TBCK: variants seen among roughly 807,000 people sequenced by gnomAD.
TBCK encodes TBC domain-containing protein kinase-like protein.
Under a neutral mutation model 113.4 loss-of-function variants are expected in TBCK, and 99 were observed. The ratio of observed to expected loss-of-function variants is 0.87; its 90% CI spans 0.74 to 1.03. The LOEUF (loss-of-function observed/expected upper bound fraction) is 1.03. Ranked by LOEUF, TBCK falls within the 50% of genes least tolerant of loss-of-function variation. The probability of loss-of-function intolerance (pLI) is 0.00; values close to 1 mark genes in which losing one functional copy is unlikely to be tolerated. For missense variants in TBCK, 1,045 were observed against 1,061.3 expected (o/e 0.98, Z 0.21); for synonymous variants, 369 against 370.8 (o/e 1.00, Z 0.05).
intron 3 of TBCK, among the ~76,000 whole-genome samples, chr4:106,287,479 G>A (rs1223249606): frequency 1.3e-5 from 2 of 152,150 alleles, no homozygotes; most frequent in Non-Finnish European, 2.9e-5. Flanking sequence ...ATTCACATGT[G>A]CATTCTTGAG....
chr4:106,228,212 G>A (rs1338134171), intron 19 of TBCK, among the ~76,000 whole-genome samples: 1 of 151,908 alleles, frequency 6.6e-6, no homozygotes, highest in Non-Finnish European at 1.5e-5. Flanking sequence ...ATCACCTCAA[G>A]TATTTTTCTT....
intron 5 of TBCK, among the ~76,000 whole-genome samples, chr4:106,258,463 T>A (rs1461346113): frequency 6.6e-6 from 1 of 152,058 alleles, no homozygotes; most frequent in East Asian, 1.9e-4. Context: ...TGGCTAATGT[T>A]TCACATTTTG....
chr4:106,114,183 G>A, intron 24 of TBCK, among the ~76,000 whole-genome samples: 1 of 152,180 alleles, frequency 6.6e-6, no homozygotes, highest in South Asian at 2.1e-4. Flanking sequence ...ACAGAAAAGG[G>A]GGAGATGTAG....
intron 3 of TBCK, among the ~76,000 whole-genome samples, chr4:106,288,049 G>A (rs1219560686): frequency 6.7e-6 from 1 of 148,398 alleles, no homozygotes; most frequent in Non-Finnish European, 1.5e-5. Flanking sequence ...ACACAATACT[G>A]TTTCTCTATG....
At chr4:106,106,332 C>A (rs1489078470) in intron 24 of TBCK, among the ~76,000 whole-genome samples, 2 of 152,126 alleles carry the variant, frequency 1.3e-5, no homozygotes, top group African/African-American at 2.4e-5. Flanking sequence ...ACATGAGACA[C>A]ATAATTGTCA....
At chr4:106,298,373 G>C (rs1157294822) in intron 2 of TBCK, among the ~76,000 whole-genome samples, 1 of 151,986 alleles carries the variant, frequency 6.6e-6, no homozygotes, top group Non-Finnish European at 1.5e-5. Context: ...CAGCACTTTG[G>C]GAGGCAGGCG....
chr4:106,193,230 G>C (rs960829235), intron 22 of TBCK, among the ~76,000 whole-genome samples: 1 of 152,126 alleles, frequency 6.6e-6, no homozygotes, highest in Non-Finnish European at 1.5e-5. Context: ...TTTGTGAATT[G>C]TATCTTTTTA....
intron 2 of TBCK, among the ~76,000 whole-genome samples, chr4:106,306,400 G>A (rs1317825734): frequency 3.3e-5 from 5 of 151,850 alleles, no homozygotes; most frequent in African/African-American, 1.2e-4. Flanking sequence ...ATTCTTCAAC[G>A]CAAAATTAAC....
chr4:106,240,540 T>C (rs529817883), intron 12 of TBCK, among the ~76,000 whole-genome samples: 2 of 152,104 alleles, frequency 1.3e-5, no homozygotes, highest in African/African-American at 2.4e-5. Flanking sequence ...AAAACAGTAG[T>C]TGAAATAGTA....
chr4:106,214,609 G>C (rs899157339), intron 19 of TBCK, among the ~76,000 whole-genome samples: 1 of 152,114 alleles, frequency 6.6e-6, no homozygotes, highest in Admixed American at 6.6e-5. Flanking sequence ...GGAAGAAAGG[G>C]TATCAGCAAT....
At chr4:106,091,877 AC>A (rs1264084864) in intron 25 of TBCK, among the ~76,000 whole-genome samples, 1 of 152,106 alleles carries the variant, frequency 6.6e-6, no homozygotes, top group Non-Finnish European at 1.5e-5. Context: ...GGTCCATTTT[AC>A]AGAGAGCTAA....
At chr4:106,106,378 A>C (rs2149541785) in intron 24 of TBCK, among the ~76,000 whole-genome samples, 1 of 152,318 alleles carries the variant, frequency 6.6e-6, no homozygotes, top group South Asian at 2.1e-4. Flanking sequence ...AAGAAGGTTA[A>C]AGGCATCTAG....
chr4:106,267,085 A>C (rs1579449593), intron 3 of TBCK, among the ~76,000 whole-genome samples: 1 of 151,942 alleles, frequency 6.6e-6, no homozygotes, highest in Non-Finnish European at 1.5e-5. Context: ...AAATAGACAA[A>C]CCCGTCAGTA....
At chr4:106,156,692 C>G (rs1186017239) in intron 23 of TBCK, among the ~76,000 whole-genome samples, 3 of 152,248 alleles carry the variant, frequency 2.0e-5, no homozygotes, top group Admixed American at 6.5e-5. Flanking sequence ...TGCTGATGTT[C>G]TCTTAAGGCC....
chr4:106,068,901 T>C (rs1243982658), intron 25 of TBCK, among the ~76,000 whole-genome samples: 2 of 152,248 alleles, frequency 1.3e-5, no homozygotes, highest in East Asian at 1.9e-4. Flanking sequence ...CCAGTGATCA[T>C]GAGCATTTTT....
chr4:106,069,505 T>C (rs1329269175), intron 25 of TBCK, among the ~76,000 whole-genome samples: 1 of 152,214 alleles, frequency 6.6e-6, no homozygotes, highest in African/African-American at 2.4e-5. Flanking sequence ...TTAGTCTATA[T>C]CTCTGTTTTG....
At chr4:106,121,155 CT>C (rs1744304561) in intron 23 of TBCK, among the ~76,000 whole-genome samples, 1 of 151,708 alleles carries the variant, frequency 6.6e-6, no homozygotes, top group Non-Finnish European at 1.5e-5. Context: ...CACACATAGG[CT>C]CAAAATAAAA....
Position 106,046,689 on chromosome 4 carries a change from A to C in TBCK, c.2572-9T>G. ...ACAAGGTGAGCTGCAAACTGGAAAA[A>C]AAAAGAGGCAAAATTTTTAGAGGAT... On this transcript the variant is annotated splice_polypyrimidine_tract_variant and intron_variant, in intron 25 of 25. Transcript: ENST00000394708. 6.6e-7 allele frequency: 1 copy of C among 1,507,554 alleles called. No individual in the cohort carries two copies. Among genetic ancestry groups the C allele is most frequent in the Non-Finnish European group, 9.2e-7 (1 of 1,088,370 alleles). 93.4% of individuals were successfully genotyped at this position (1,507,554 alleles called of 1,614,324 possible).
intron 23 of TBCK, among the ~76,000 whole-genome samples, chr4:106,126,235 G>C (rs1400604475): frequency 6.6e-6 from 1 of 152,098 alleles, no homozygotes; most frequent in African/African-American, 2.4e-5. Context: ...TCTCTTCTAT[G>C]TCTTCACAGG....
Sources: allele counts gnomAD v4.1 joint callset (sites outside exome capture counted in the v4.1 genomes callset), GRCh38; gene constraint gnomAD v4.1.1; transcripts MANE v1.5; gene names NCBI Gene and HGNC (gene_info 2026-07-23, HGNC 2026-07-21).